The following FBXO33 variants were observed in gnomAD, a reference collection of about 807,000 sequenced individuals.
FBXO33 encodes F-box only protein 33.
FBXO33 carries 22 observed loss-of-function variants against 46.3 expected under a neutral mutation model. The observed-to-expected ratio is 0.48, with a 90% CI of 0.34 to 0.68. The LOEUF (loss-of-function observed/expected upper bound fraction) is 0.68, where lower values mean the gene tolerates loss of function less well. Among genes scored for constraint, FBXO33 ranks in the 30% least tolerant of loss-of-function variants. The pLI, the probability that FBXO33 is intolerant of heterozygous loss-of-function variation, is 0.01. For missense variants in FBXO33, 692 were observed against 708.8 expected, an observed-to-expected ratio of 0.98 and a Z score of 0.27; for synonymous variants, 337 against 291.3, an observed-to-expected ratio of 1.16 and a Z score of -1.60.
Position 39,431,590 on chromosome 14 carries a change from G to A in FBXO33, c.573C>T (p.Cys191=). The A allele has an allele frequency of 6.2e-7, 1 of 1,613,042 alleles. No homozygotes were observed. The change falls in exon 1 of 4, where the codon TGC becomes TGT. Residue 191 remains cysteine, a synonymous_variant. Transcript: ENST00000298097. ...TGTTGTTCCGGATGCTGACCAGCAC[G>A]CAAAGCACCAGCTCCAAGTAGGTGC... is the stretch of plus-strand genomic sequence containing the variant. ...VLRTYLELVL[C]VLVSIRNNRN...
intron 1 of FBXO33, among the ~76,000 whole-genome samples, chr14:39,423,269 C>T (rs569448413): frequency 3.3e-5 from 5 of 152,284 alleles, no homozygotes; most frequent in Non-Finnish European, 5.9e-5. Flanking sequence ...AACACTGACA[C>T]TTGCTAACAT....
intron 1 of FBXO33, among the ~76,000 whole-genome samples, chr14:39,414,000 C>T (rs916004893): frequency 3.9e-5 from 6 of 152,148 alleles, no homozygotes; most frequent in Admixed American, 6.6e-5. Flanking sequence ...TAACCTCTAA[C>T]GAGAGTCAGC....
rs754500198 is a variant in FBXO33 at position 39,431,731 on chromosome 14, G to A, written c.432C>T (p.Ala144=). Residue 144 remains alanine (A), a synonymous_variant, in exon 1 of 4, where the codon GCC becomes GCT. Transcript: ENST00000298097. ...WFVRELRVEF[A]AENYLSGGGP... ...CACCGCCGCTCAGATAGTTCTCGGC[G>A]GCGAATTCAACACGCAGCTCTCGCA... 2 of 1,613,244 alleles carry A rather than the reference G, an allele frequency of 1.2e-6. No homozygotes were observed. Among genetic ancestry groups the A allele is most frequent in the Non-Finnish European group, 1.7e-6 (2 of 1,179,984 alleles).
chr14:39,431,958 C>T lies in FBXO33; in HGVS notation c.205G>A (p.Ala69Thr), dbSNP rs1163700340. 6.5e-7 allele frequency: 1 copy of T among 1,528,660 alleles called. No homozygotes were observed. Among genetic ancestry groups the T allele is most frequent in the Non-Finnish European group, 8.7e-7 (1 of 1,143,966 alleles). The allele number at this position is 1,528,660 out of a possible 1,614,324, so 94.7% of individuals were successfully genotyped here. A position where few individuals can be genotyped will look rare whatever the true frequency, so the allele number is the denominator to read the frequency against. The change falls in exon 1 of 4, where the codon GCG (alanine) becomes ACG (threonine). Residue 69 changes from alanine (A) to threonine (T), a missense_variant. Coordinates refer to ENST00000298097, the MANE Select transcript of FBXO33 (RefSeq NM_203301.4). ...ACGATCAGCTCGCTGGGCAGCGACG[C>T]AGCGCCCGCCGCCTGCCCGCACAGA... Reference protein sequence around the residue: ...MALCGQAAGAASLPSELIVHI... With the variant: ...MALCGQAAGATSLPSELIVHI...
chr14:39,422,857 C>T (rs1050305970), intron 1 of FBXO33, among the ~76,000 whole-genome samples: 13 of 152,198 alleles, frequency 8.5e-5, no homozygotes, highest in Non-Finnish European at 1.9e-4. Flanking sequence ...GGTGCAGTGG[C>T]TCATGCCTGT....
intron 1 of FBXO33, among the ~76,000 whole-genome samples, chr14:39,425,546 C>A (rs936510607): frequency 6.6e-6 from 1 of 152,156 alleles, no homozygotes; most frequent in African/African-American, 2.4e-5. Context: ...AATAATCCAC[C>A]ATCATTGCAT....
chr14:39,417,144 G>A lies in FBXO33; in HGVS notation c.599+14420C>T, dbSNP rs141792610. 2.6e-5 allele frequency among the ~76,000 whole-genome samples: 4 copies of A among 152,312 alleles called. No individual in the cohort carries two copies. In the East Asian group the frequency reaches 7.7e-4, roughly 29 times the overall value. On this transcript the variant is annotated intron_variant, in intron 1 of 3. Coordinates refer to ENST00000298097, the MANE Select transcript of FBXO33 (RefSeq NM_203301.4). Reference sequence around the variant, plus strand: ...ACTTCATTTCCCTCCTAAAGGGAAAGGTTCCAAGCCTTTTCCCAATCTTGC... The same window carrying A: ...ACTTCATTTCCCTCCTAAAGGGAAAAGTTCCAAGCCTTTTCCCAATCTTGC...
intron 1 of FBXO33, among the ~76,000 whole-genome samples, chr14:39,416,539 T>C (rs2139412817): frequency 6.6e-6 from 1 of 152,258 alleles, no homozygotes; most frequent in South Asian, 2.1e-4. Flanking sequence ...ATTCTTTTTA[T>C]TTTGCTCTGC....
chr14:39,399,325 T>C lies in FBXO33; in HGVS notation c.*191A>G, dbSNP rs1304232917. ...CCATTAACCGTGAAAGCCCTATACATTGTCACTTTGAACTTCTAAACCAAT... is the reference window on the plus strand; with the variant it reads ...CCATTAACCGTGAAAGCCCTATACACTGTCACTTTGAACTTCTAAACCAAT... On this transcript the variant is annotated 3_prime_UTR_variant, in exon 4 of 4. Transcript: ENST00000298097. The C allele has an allele frequency of 4.1e-6, 2 of 491,596 alleles. No homozygotes were observed. The highest frequency in any genetic ancestry group is 3.5e-6 in the Non-Finnish European group (1 of 282,712). The allele number at this position is 491,596 out of a possible 1,614,324, so 30.5% of individuals were successfully genotyped here. A position where few individuals can be genotyped will look rare whatever the true frequency, so the allele number is the denominator to read the frequency against.
Position 39,431,751 on chromosome 14 carries a change from C to G in FBXO33, c.412G>C (p.Glu138Gln), listed in dbSNP as rs756125489. 1 of 1,612,952 alleles carries G rather than the reference C, an allele frequency of 6.2e-7. No homozygotes were observed. Among genetic ancestry groups the G allele is most frequent in the South Asian group, 1.1e-5 (1 of 91,084 alleles). Residue 138 changes from glutamate (E) to glutamine (Q), a missense_variant, in exon 1 of 4, where the codon GAG becomes CAG. Physicochemically the swap from Glu to Gln is conservative, Grantham distance 29. Coordinates refer to ENST00000298097, the MANE Select transcript of FBXO33 (RefSeq NM_203301.4). The stretch of plus-strand genomic sequence containing the variant: ...TCGGCGGCGAATTCAACACGCAGCT[C>G]TCGCACGAACCAGCCGCACTTGCGC... The part of the protein sequence containing the change: ...LMRKCGWFVR[E>Q]LRVEFAAENY...
Position 39,402,447 on chromosome 14 carries a change from T to C in FBXO33, c.664A>G (p.Asn222Asp), listed in dbSNP as rs181147018. The change falls in exon 2 of 4, where the codon AAT becomes GAT. Residue 222 changes from asparagine (N) to aspartate (D), a missense_variant. Asn to Asp is a conservative substitution (Grantham distance 23). Around this residue, in one of 3 missense-constraint regions of FBXO33, gnomAD observed 412 missense variants for 370.8 expected, o/e 1.11. Coordinates refer to ENST00000298097, the MANE Select transcript of FBXO33 (RefSeq NM_203301.4). Reference sequence around the variant, plus strand: ...GGGTCCACCTTGCTGAGGTATGTATTTGACAAACTTCCTTGCTGTTGTAGA... The same window carrying C: ...GGGTCCACCTTGCTGAGGTATGTATCTGACAAACTTCCTTGCTGTTGTAGA... ...SVLQQQGSLS[N>D]TYLSKVDPDG... The C allele has an allele frequency of 2.5e-6, 4 of 1,584,280 alleles. No individual in the cohort carries two copies. In the Admixed American group the frequency reaches 5.2e-5, roughly 21 times the overall value.
At chr14:39,422,098 A>T (rs967443770) in intron 1 of FBXO33, among the ~76,000 whole-genome samples, 4 of 152,086 alleles carry the variant, frequency 2.6e-5, no homozygotes, top group Admixed American at 6.6e-5. Context: ...TCTTTACTAA[A>T]AACACAAAAA....
chr14:39,421,345 C>T (rs2075482358), intron 1 of FBXO33, among the ~76,000 whole-genome samples: 1 of 152,140 alleles, frequency 6.6e-6, no homozygotes, highest in African/African-American at 2.4e-5. Flanking sequence ...TGAGCATCTA[C>T]ATGGAAAGAC....
chr14:39,418,381 C>G (rs987551075), intron 1 of FBXO33, among the ~76,000 whole-genome samples: 1 of 151,530 alleles, frequency 6.6e-6, no homozygotes, highest in Non-Finnish European at 1.5e-5. Context: ...TCTATTATTA[C>G]AAGCACATAT....
chr14:39,427,113 G>A (rs1167167327), intron 1 of FBXO33, among the ~76,000 whole-genome samples: 2 of 152,174 alleles, frequency 1.3e-5, no homozygotes, highest in Non-Finnish European at 2.9e-5. Flanking sequence ...TTAAAATGGA[G>A]ATATTTAATC....
At position 39,401,029 on chromosome 14, in the gene FBXO33, C is replaced by G. The variant is rs185088037; in HGVS notation, c.1396+147G>C. The stretch of plus-strand genomic sequence containing the variant: ...GATTTTCCTTTTGTAAGTGATATAT[C>G]TTGCAAACTTTAAAAAGCATAAGAA... On this transcript the variant is annotated intron_variant, in intron 3 of 3. Transcript: ENST00000298097. 1.1e-5 allele frequency: 8 copies of G among 705,468 alleles called. No homozygotes were observed. The Admixed American group carries it at 2.9e-4, about 25-fold the overall frequency. 43.7% of individuals were successfully genotyped at this position (705,468 alleles called of 1,614,324 possible). A position where few individuals can be genotyped will look rare whatever the true frequency, so the allele number is the denominator to read the frequency against.
intron 1 of FBXO33, among the ~76,000 whole-genome samples, chr14:39,428,708 G>A (rs531551103): frequency 1.2e-4 from 18 of 152,176 alleles, no homozygotes; most frequent in Admixed American, 1.2e-3. Context: ...TTTTTCCTAA[G>A]GAGTCTGAAA....
At chr14:39,430,604 C>A (rs1231843907) in intron 1 of FBXO33, among the ~76,000 whole-genome samples, 1 of 152,098 alleles carries the variant, frequency 6.6e-6, no homozygotes, top group African/African-American at 2.4e-5. Context: ...CACTGAGAGG[C>A]TCAAACAACA....
At position 39,398,334 on chromosome 14, in the gene FBXO33, TA is replaced by T. The variant is rs2075352559; in HGVS notation, c.*1181del. 6.5e-6 allele frequency: 1 copy of T among 152,678 alleles called. No homozygotes were observed. 9.5% of individuals were successfully genotyped at this position (152,678 alleles called of 1,614,324 possible). On this transcript the variant is annotated 3_prime_UTR_variant, in exon 4 of 4. Transcript: ENST00000298097. ...AAGCCTCTCAGATATAACAAGGTTT[TA>T]AAACATACTTCATGGAATGTTCTTC...
Sources: allele counts gnomAD v4.1 joint callset (sites outside exome capture counted in the v4.1 genomes callset), GRCh38; gene constraint gnomAD v4.1.1; regional missense constraint gnomAD v4.1.1; transcripts MANE v1.5; gene names NCBI Gene and HGNC (gene_info 2026-07-23, HGNC 2026-07-21).